EYA2: variants seen among roughly 807,000 people sequenced by gnomAD.
EYA2 encodes protein phosphatase EYA2.
EYA2 carries 31 observed loss-of-function variants against 69.2 expected under a neutral mutation model. The observed-to-expected ratio is 0.45, with a 90% CI of 0.34 to 0.60. The LOEUF (loss-of-function observed/expected upper bound fraction) is 0.60, where lower values mean the gene tolerates loss of function less well. Among genes scored for constraint, EYA2 ranks in the 20% least tolerant of loss-of-function variants. The pLI is 0.02. For missense variants in EYA2, 622 were observed against 701.2 expected (o/e 0.89, Z 1.28); for synonymous variants, 257 against 279.4 (o/e 0.92, Z 0.80).
intron 1 of EYA2, among the ~76,000 whole-genome samples, chr20:46,940,177 G>A (rs6018196): frequency 0.067 from 10,234 of 152,202 alleles, 1,053 homozygotes; most frequent in African/African-American, 0.22. Context: ...ATGAATAGAG[G>A]TGGGCTTCCT....
rs569984765 is a variant in EYA2, at chr20:47,043,433, G to T, written c.415+27136G>T. 2.6e-5 allele frequency among the ~76,000 whole-genome samples: 4 copies of T among 152,308 alleles called. No homozygotes were observed. The South Asian group carries it at 8.3e-4, about 32-fold the overall frequency. On this transcript the variant is annotated intron_variant, in intron 5 of 15. Transcript: ENST00000327619. The stretch of plus-strand genomic sequence containing the variant: ...CCAACACAGCCAAGGACTGGAAGTA[G>T]CCCTGAAGCCAGTCCTGCTTCTCCC...
chr20:46,928,742 T>C (rs1318525361), intron 1 of EYA2, among the ~76,000 whole-genome samples: 1 of 152,250 alleles, frequency 6.6e-6, no homozygotes, highest in African/African-American at 2.4e-5. Flanking sequence ...TAACATTTGC[T>C]CACGGAAAGC....
intron 1 of EYA2, among the ~76,000 whole-genome samples, chr20:46,925,946 G>A (rs1985394191): frequency 6.6e-6 from 1 of 152,152 alleles, no homozygotes; most frequent in Admixed American, 6.5e-5. Context: ...ACATAACTTG[G>A]TATCTCCATG....
chr20:47,183,798 C>A (rs910440205), intron 15 of EYA2, among the ~76,000 whole-genome samples: 3 of 152,154 alleles, frequency 2.0e-5, no homozygotes, highest in African/African-American at 7.2e-5. Flanking sequence ...CATTTGTGAT[C>A]TCGGGCCCGT....
intron 10 of EYA2, among the ~76,000 whole-genome samples, chr20:47,158,343 C>T (rs2033998286): frequency 6.6e-6 from 1 of 151,826 alleles, no homozygotes; most frequent in African/African-American, 2.4e-5. Flanking sequence ...TGATGAAACC[C>T]CATCTCTACT....
chr20:47,096,716 T>C (rs2032256575), intron 8 of EYA2, among the ~76,000 whole-genome samples: 1 of 152,182 alleles, frequency 6.6e-6, no homozygotes, highest in Admixed American at 6.5e-5. Flanking sequence ...AAAACAGAAA[T>C]AGTTGAGCGT....
intron 1 of EYA2, among the ~76,000 whole-genome samples, chr20:46,974,709 G>A (rs1980347208): frequency 6.6e-6 from 1 of 151,404 alleles, no homozygotes; most frequent in African/African-American, 2.4e-5. Context: ...CCTTGTTTTG[G>A]TGGTTGTGGG....
intron 1 of EYA2, among the ~76,000 whole-genome samples, chr20:46,950,351 C>T (rs1978721724): frequency 6.6e-6 from 1 of 152,106 alleles, no homozygotes. Flanking sequence ...TCTCAAGTAC[C>T]CTTCTAGCCC....
At chr20:47,004,558 C>G (rs1366547930) in intron 3 of EYA2, among the ~76,000 whole-genome samples, 3 of 152,204 alleles carry the variant, frequency 2.0e-5, no homozygotes, top group Non-Finnish European at 4.4e-5. Context: ...CAAGCTGACT[C>G]AGGGATCCAG....
At chr20:47,068,034 TAATA>T (rs2031179098) in intron 5 of EYA2, among the ~76,000 whole-genome samples, 1 of 152,236 alleles carries the variant, frequency 6.6e-6, no homozygotes, top group Non-Finnish European at 1.5e-5. Flanking sequence ...TTTGTTTGAT[TAATA>T]AATGAATGAA....
At chr20:47,039,086 C>G (rs912459389) in intron 5 of EYA2, among the ~76,000 whole-genome samples, 1 of 149,008 alleles carries the variant, frequency 6.7e-6, no homozygotes, top group Admixed American at 6.8e-5. Context: ...CTGGGCTTAG[C>G]AAAAAACCAG....
intron 3 of EYA2, among the ~76,000 whole-genome samples, chr20:47,003,890 G>C (rs982962833): frequency 2.6e-5 from 4 of 152,116 alleles, no homozygotes; most frequent in Non-Finnish European, 5.9e-5. Context: ...CTGAGTTTTG[G>C]TTTCCTCATC....
chr20:47,179,506 A>C (rs2034494995), intron 12 of EYA2, among the ~76,000 whole-genome samples: 1 of 107,658 alleles, frequency 9.3e-6, no homozygotes, highest in African/African-American at 3.8e-5. Flanking sequence ...TATTGGGTGG[A>C]TGGATGGGTG....
intron 1 of EYA2, among the ~76,000 whole-genome samples, chr20:46,922,096 G>C (rs898808249): frequency 7.2e-5 from 11 of 152,212 alleles, no homozygotes; most frequent in African/African-American, 2.7e-4. Context: ...GCTGGAACCT[G>C]CGTTTCCTAA....
intron 9 of EYA2, chr20:47,117,514 G>T (rs1278965836): frequency 1.0e-6 from 1 of 985,250 alleles, no homozygotes; most frequent in Admixed American, 6.2e-5. Context: ...TCCTCCGCGG[G>T]TGTTATTACG....
At chr20:46,948,324 T>C (rs1468510026) in intron 1 of EYA2, among the ~76,000 whole-genome samples, 1 of 152,192 alleles carries the variant, frequency 6.6e-6, no homozygotes, top group Non-Finnish European at 1.5e-5. Flanking sequence ...GGCTTATCTG[T>C]GTTCCAGTAA....
chr20:47,136,726 G>T (rs6066213), intron 9 of EYA2, among the ~76,000 whole-genome samples: 2 of 150,254 alleles, frequency 1.3e-5, no homozygotes, highest in South Asian at 2.1e-4. Context: ...CTGGGTGACA[G>T]GGGAGACCCT....
rs1344107214 is a variant in EYA2 at position 47,057,510 on chromosome 20, A to ACGC, written c.416-14674_416-14673insGCC. On this transcript the variant is annotated intron_variant, in intron 5 of 15. Coordinates refer to ENST00000327619, the MANE Select transcript of EYA2 (RefSeq NM_005244.5). ...TTATCTGCTGACTACTTTTTATATC[A>ACGC]CCCCCCCCCCCCATCTCATACCTCC... 2.9e-3 allele frequency among the ~76,000 whole-genome samples: 277 copies of ACGC among 94,832 alleles called. 3 individuals carry two copies. The highest frequency in any genetic ancestry group is 9.0e-3 in the African/African-American group (267 of 29,516). 62.2% of individuals were successfully genotyped at this position (94,832 alleles called of 152,430 possible). A position where few individuals can be genotyped will look rare whatever the true frequency, so the allele number is the denominator to read the frequency against.
At chr20:47,170,308 C>T (rs1204926026) in intron 11 of EYA2, among the ~76,000 whole-genome samples, 1 of 152,100 alleles carries the variant, frequency 6.6e-6, no homozygotes, top group Non-Finnish European at 1.5e-5. Context: ...GGAAAACACT[C>T]CCAGGACATG....
Sources: allele counts gnomAD v4.1 joint callset (sites outside exome capture counted in the v4.1 genomes callset), GRCh38; gene constraint gnomAD v4.1.1; transcripts MANE v1.5; gene names NCBI Gene and HGNC (gene_info 2026-07-23, HGNC 2026-07-21).